The following TRIQK variants were observed in gnomAD, a reference collection of about 807,000 sequenced individuals.
The protein encoded by TRIQK is triple QxxK/R motif-containing protein.
TRIQK carries 10 observed loss-of-function variants against 10.8 expected under a neutral mutation model. That is an observed-to-expected ratio of 0.92 (90% CI 0.57 to 1.57). The LOEUF (loss-of-function observed/expected upper bound fraction) is 1.57. Among genes scored for constraint, TRIQK ranks in the 40% most tolerant of loss-of-function variants. The probability of loss-of-function intolerance (pLI) is 0.00; values close to 1 mark genes in which losing one functional copy is unlikely to be tolerated. For missense variants in TRIQK, 107 were observed against 97.7 expected (o/e 1.09, Z -0.40); for synonymous variants, 33 against 33.7 (o/e 0.98, Z 0.07).
At chr8:92,998,613 G>T (rs1253958296) in intron 1 of TRIQK, among the ~76,000 whole-genome samples, 1 of 151,992 alleles carries the variant, frequency 6.6e-6, no homozygotes, top group Non-Finnish European at 1.5e-5. Context: ...TTGTAGGTAA[G>T]TATGTAATTA....
intron 1 of TRIQK, among the ~76,000 whole-genome samples, chr8:92,983,844 C>G (rs1813007996): frequency 6.6e-6 from 1 of 151,954 alleles, no homozygotes; most frequent in African/African-American, 2.4e-5. Flanking sequence ...TTCTTATGGT[C>G]TTCAAAATAA....
chr8:92,944,022 C>A (rs773087873), intron 2 of TRIQK, among the ~76,000 whole-genome samples: 45 of 151,902 alleles, frequency 3.0e-4, no homozygotes, highest in Non-Finnish European at 4.3e-4. Flanking sequence ...ACAAAAAAAA[C>A]CCCAAATAAT....
chr8:92,943,339 G>C (rs551273772), intron 2 of TRIQK, among the ~76,000 whole-genome samples: 1 of 152,090 alleles, frequency 6.6e-6, no homozygotes, highest in Admixed American at 6.6e-5. Flanking sequence ...AATTCATATG[G>C]ACCCAGAAAA....
chr8:93,016,484 T>G (rs905470053), intron 1 of TRIQK, among the ~76,000 whole-genome samples: 5 of 152,256 alleles, frequency 3.3e-5, no homozygotes, highest in Non-Finnish European at 7.3e-5. Flanking sequence ...GAGCAAAGTT[T>G]ACTTTTACTT....
Position 92,928,601 on chromosome 8 carries a change from A to C in TRIQK, c.-21-11591T>G, listed in dbSNP as rs573681364. Among the ~76,000 whole-genome samples the C allele has an allele frequency of 1.7e-3, 257 of 152,328 alleles. 2 individuals are homozygous for C. Among genetic ancestry groups the C allele is most frequent in the African/African-American group, 5.8e-3 (241 of 41,574 alleles). On this transcript the variant is annotated intron_variant, in intron 2 of 4. Transcript: ENST00000521988. ...TAAATTTCCCATGTGATTACTGCCA[A>C]CATTAAAGTTTGAGAACCATTGATT...
chr8:92,973,579 A>G (rs541767281), intron 1 of TRIQK: 24 of 152,266 alleles, frequency 1.6e-4, no homozygotes, highest in African/African-American at 5.8e-4. Flanking sequence ...CACTGATATC[A>G]TTTCACTATT....
intron 1 of TRIQK, among the ~76,000 whole-genome samples, chr8:92,993,236 T>A (rs191308840): frequency 6.6e-6 from 1 of 152,270 alleles, no homozygotes; most frequent in East Asian, 1.9e-4. Context: ...TTGTTTTCTT[T>A]CCCTTGTGCT....
At chr8:93,000,445 A>G (rs1813198411) in intron 1 of TRIQK, among the ~76,000 whole-genome samples, 1 of 152,154 alleles carries the variant, frequency 6.6e-6, no homozygotes, top group African/African-American at 2.4e-5. Flanking sequence ...TAAAACCATC[A>G]GTTCTTGTGA....
At chr8:92,997,778 C>G (rs1283308796) in intron 1 of TRIQK, among the ~76,000 whole-genome samples, 1 of 151,870 alleles carries the variant, frequency 6.6e-6, no homozygotes, top group African/African-American at 2.4e-5. Context: ...ATGAATGAGC[C>G]AGGGGAACTG....
chr8:92,959,772 G>A (rs1333922696), intron 1 of TRIQK, among the ~76,000 whole-genome samples: 3 of 151,968 alleles, frequency 2.0e-5, no homozygotes, highest in Non-Finnish European at 2.9e-5. Flanking sequence ...GTTACATACC[G>A]ATAAACCCAT....
At chr8:92,912,794 C>T (rs1175938994) in intron 3 of TRIQK, among the ~76,000 whole-genome samples, 1 of 151,494 alleles carries the variant, frequency 6.6e-6, no homozygotes, top group African/African-American at 2.4e-5. Flanking sequence ...AAATAGAAAG[C>T]CTGAAAACTA....
At chr8:92,999,895 A>C (rs946239733) in intron 1 of TRIQK, among the ~76,000 whole-genome samples, 1 of 152,146 alleles carries the variant, frequency 6.6e-6, no homozygotes, top group Non-Finnish European at 1.5e-5. Flanking sequence ...AGTGAGTTAT[A>C]CTTGACAAAA....
intron 2 of TRIQK, among the ~76,000 whole-genome samples, chr8:92,935,701 G>C (rs998212541): frequency 2.0e-5 from 3 of 151,254 alleles, no homozygotes; most frequent in African/African-American, 7.3e-5. Flanking sequence ...ACAAACTCTT[G>C]TCCTGACGGA....
chr8:92,966,381 T>C (rs574840140), upstream of TRIQK, among the ~76,000 whole-genome samples: 16 of 152,324 alleles, frequency 1.1e-4, 1 homozygote, highest in Admixed American at 8.5e-4. Flanking sequence ...ATTTTGATTA[T>C]TGAACCCTCC....
intron 1 of TRIQK, among the ~76,000 whole-genome samples, chr8:92,996,087 G>T (rs1191437072): frequency 2.0e-5 from 3 of 151,994 alleles, no homozygotes; most frequent in South Asian, 2.1e-4. Flanking sequence ...CCCTGAGTGA[G>T]ATTTTATCAA....
intron 1 of TRIQK, 115 bp downstream of exon 1, chr8:92,965,892 G>C (rs1586513916): frequency 6.6e-6 from 1 of 152,534 alleles, no homozygotes; most frequent in South Asian, 2.1e-4. Flanking sequence ...GGGACGGAAC[G>C]ATCGTCTCCC....
chr8:92,949,836 A>AAG (rs1459632065), intron 2 of TRIQK, among the ~76,000 whole-genome samples: 1 of 118,022 alleles, frequency 8.5e-6, no homozygotes, highest in East Asian at 2.8e-4. Flanking sequence ...GAAAGAAAGA[A>AAG]AGAAAGGGAG....
At chr8:93,009,105 C>T (rs947697414) in intron 1 of TRIQK, among the ~76,000 whole-genome samples, 22 of 152,072 alleles carry the variant, frequency 1.4e-4, no homozygotes, top group South Asian at 4.2e-4. Context: ...GGTTACTATC[C>T]GGAAAATATG....
chr8:92,914,719 T>C (rs761925181), intron 3 of TRIQK, among the ~76,000 whole-genome samples: 56 of 152,236 alleles, frequency 3.7e-4, no homozygotes, highest in Admixed American at 1.7e-3. Flanking sequence ...TTAGGATGAC[T>C]ATGTTAAAAA....
Sources: allele counts gnomAD v4.1 joint callset (sites outside exome capture counted in the v4.1 genomes callset), GRCh38; gene constraint gnomAD v4.1.1; transcripts MANE v1.5; gene names NCBI Gene and HGNC (gene_info 2026-07-23, HGNC 2026-07-21).